The following HECTD2 variants were observed in gnomAD, a reference collection of about 807,000 sequenced individuals.
The protein encoded by HECTD2 is HECT domain E3 ubiquitin protein ligase 2.
Under a neutral mutation model 103.2 loss-of-function variants are expected in HECTD2, and 35 were observed. The ratio of observed to expected loss-of-function variants is 0.34; its 90% CI spans 0.26 to 0.45. HECTD2 has a LOEUF of 0.45. Among genes scored for constraint, HECTD2 ranks in the 20% least tolerant of loss-of-function variants. The probability of loss-of-function intolerance (pLI) is 1.00; values close to 1 mark genes in which losing one functional copy is unlikely to be tolerated. For missense variants in HECTD2, 596 were observed against 937.4 expected (o/e 0.64, Z 4.76); for synonymous variants, 281 against 329.9 (o/e 0.85, Z 1.61).
chr10:91,497,523 C>G (rs1380280658), intron 15 of HECTD2, among the ~76,000 whole-genome samples: 1 of 130,124 alleles, frequency 7.7e-6, no homozygotes, highest in Non-Finnish European at 1.6e-5. Flanking sequence ...GTTGGCCAGG[C>G]TGGTCTTGAA....
intron 2 of HECTD2, among the ~76,000 whole-genome samples, chr10:91,451,394 T>G (rs147291583): frequency 6.6e-6 from 1 of 152,056 alleles, no homozygotes; most frequent in African/African-American, 2.4e-5. Flanking sequence ...AGGGGAGGGA[T>G]AGCATTAGGA....
At chr10:91,461,776 C>T (rs1487301282) in intron 4 of HECTD2, among the ~76,000 whole-genome samples, 6 of 152,050 alleles carry the variant, frequency 3.9e-5, no homozygotes, top group Admixed American at 3.9e-4. Flanking sequence ...CTCGAACTCC[C>T]GACCTCGGGT....
intron 20 of HECTD2, among the ~76,000 whole-genome samples, chr10:91,511,939 G>A (rs1475724125): frequency 6.6e-6 from 1 of 152,132 alleles, no homozygotes; most frequent in East Asian, 1.9e-4. Context: ...TATGCAACTC[G>A]AACAAGACCC....
chr10:91,469,810 G>A (rs1326150261), intron 5 of HECTD2, among the ~76,000 whole-genome samples: 2 of 152,182 alleles, frequency 1.3e-5, no homozygotes, highest in Non-Finnish European at 2.9e-5. Flanking sequence ...CAAACTATAT[G>A]CTGTCTTCAA....
At chr10:91,484,885 A>G (rs908985759) in intron 9 of HECTD2, among the ~76,000 whole-genome samples, 1 of 152,012 alleles carries the variant, frequency 6.6e-6, no homozygotes, top group African/African-American at 2.4e-5. Flanking sequence ...AATTAAGTGC[A>G]TATGAGCTAG....
chr10:91,414,257 G>A (rs1029874887), intron 1 of HECTD2, among the ~76,000 whole-genome samples: 1 of 152,168 alleles, frequency 6.6e-6, no homozygotes, highest in African/African-American at 2.4e-5. Flanking sequence ...GAGGAATTTA[G>A]TTGAGAATTT....
intron 2 of HECTD2, among the ~76,000 whole-genome samples, chr10:91,437,734 C>T (rs779945669): frequency 3.4e-5 from 5 of 146,474 alleles, no homozygotes; most frequent in Non-Finnish European, 6.0e-5. Context: ...TAATAGATGA[C>T]ATATACATTG....
chr10:91,484,290 C>A lies in HECTD2; in HGVS notation c.822-217C>A, dbSNP rs146862261. ...TTGAAAGTCTTTAAAATGTTTGTTA[C>A]TAACTTTATAGTAATTTTGGTGTTT... On this transcript the variant is annotated intron_variant, in intron 8 of 20. Coordinates refer to ENST00000298068, the MANE Select transcript of HECTD2 (RefSeq NM_182765.6). The A allele has an allele frequency of 7.6e-5, 83 of 1,086,592 alleles. No homozygotes were observed. The African/African-American group carries it at 1.2e-3, about 16-fold the overall frequency. 67.3% of individuals were successfully genotyped at this position (1,086,592 alleles called of 1,614,324 possible).
chr10:91,461,402 A>C (rs1032081674), intron 4 of HECTD2, 46 bp downstream of exon 4: 1 of 958,646 alleles, frequency 1.0e-6, no homozygotes. Context: ...TTAGTTTTAA[A>C]TTTTCCAAAA....
intron 2 of HECTD2, 146 bp from the exon 3 acceptor site, chr10:91,460,281 A>C: frequency 1.5e-6 from 1 of 679,614 alleles, no homozygotes; most frequent in Non-Finnish European, 2.4e-6. Context: ...AATGTCCTTC[A>C]CTATGGTTGG....
At chr10:91,456,621 G>C (rs1845106963) in intron 2 of HECTD2, among the ~76,000 whole-genome samples, 1 of 152,112 alleles carries the variant, frequency 6.6e-6, no homozygotes, top group South Asian at 2.1e-4. Context: ...ATGTTGAATG[G>C]GAGTGGTGAG....
intron 20 of HECTD2, among the ~76,000 whole-genome samples, chr10:91,511,243 G>C (rs527646435): frequency 6.6e-6 from 1 of 152,244 alleles, no homozygotes; most frequent in East Asian, 1.9e-4. Context: ...AGAGTCTTAA[G>C]ATAGCTGTAA....
intron 10 of HECTD2, chr10:91,486,985 C>T: frequency 6.6e-6 from 1 of 152,314 alleles, no homozygotes; most frequent in East Asian, 1.9e-4. Flanking sequence ...AATCTAACTC[C>T]AGAAGTGTCA....
intron 1 of HECTD2, among the ~76,000 whole-genome samples, chr10:91,424,902 A>G (rs1020559804): frequency 3.2e-4 from 49 of 152,086 alleles, no homozygotes; most frequent in Non-Finnish European, 8.8e-5. Context: ...TAAAAATAAT[A>G]TTTATGGAGG....
At chr10:91,411,009 C>T (rs1842898154) in intron 1 of HECTD2, among the ~76,000 whole-genome samples, 1 of 152,130 alleles carries the variant, frequency 6.6e-6, no homozygotes, top group Admixed American at 6.5e-5. Flanking sequence ...GCTTTTCTTT[C>T]CCTTCCCCCT....
chr10:91,496,119 C>G, intron 14 of HECTD2, 95 bp from the exon 15 acceptor site: 1 of 727,016 alleles, frequency 1.4e-6, no homozygotes, highest in Non-Finnish European at 2.2e-6. Flanking sequence ...AGTGTTAAAT[C>G]TGAAAGAAGT....
intron 8 of HECTD2, 80 bp from the exon 9 acceptor site, chr10:91,484,427 A>G (rs1846196274): frequency 6.6e-7 from 1 of 1,505,888 alleles, no homozygotes; most frequent in Non-Finnish European, 9.0e-7. Context: ...GTGGCTTAGG[A>G]TGTAGTTTAA....
chr10:91,483,308 TTC>T (rs1274449728), intron 8 of HECTD2, among the ~76,000 whole-genome samples: 1 of 151,998 alleles, frequency 6.6e-6, no homozygotes, highest in African/African-American at 2.4e-5. Flanking sequence ...TGTTGAGAAT[TTC>T]TGTCTACTGC....
chr10:91,491,081 ATTGT>A, intron 11 of HECTD2, 115 bp from the exon 12 acceptor site: 1 of 505,756 alleles, frequency 2.0e-6, no homozygotes, highest in East Asian at 3.7e-5. Flanking sequence ...TTTTTATAAA[ATTGT>A]TTATATAAGA....
Sources: gnomAD v4.1 joint callset for allele counts (sites outside exome capture counted in the v4.1 genomes callset) on GRCh38, gnomAD v4.1.1 for gene constraint, MANE v1.5 for transcripts, NCBI Gene and HGNC (gene_info 2026-07-23, HGNC 2026-07-21) for gene names.